Variants in RNASE11 observed in about 807,000 individuals in gnomAD.
The protein encoded by RNASE11 is ribonuclease A family member 11 (inactive).
For missense variants in RNASE11, 252 were observed against 237.8 expected (o/e 1.06, Z -0.39); for synonymous variants, 105 against 86.1 (o/e 1.22, Z -1.21).
chr14:20,589,410 C>T (rs1381910544), upstream of RNASE11, among the ~76,000 whole-genome samples: 1 of 151,874 alleles, frequency 6.6e-6, no homozygotes, highest in Non-Finnish European at 1.5e-5. Context: ...CCCGCCACCA[C>T]GCCCGGCTAA....
At chr14:20,589,823 G>C (rs1355585263), upstream of RNASE11, among the ~76,000 whole-genome samples, 1 of 152,082 alleles carries the variant, frequency 6.6e-6, no homozygotes, top group Non-Finnish European at 1.5e-5. Flanking sequence ...GGAAGCAGAG[G>C]TTGCAGTGAG....
intron 1 of RNASE11, among the ~76,000 whole-genome samples, chr14:20,585,964 C>T (rs2138888658): frequency 6.6e-6 from 1 of 152,294 alleles, no homozygotes; most frequent in Non-Finnish European, 1.5e-5. Flanking sequence ...CTACATTGAT[C>T]TCCTACATTA....
chr14:20,587,722 G>C, exon 1 of RNASE11: 1 of 985,428 alleles, frequency 1.0e-6, no homozygotes, highest in Non-Finnish European at 1.2e-6. Flanking sequence ...GCCATGAGAT[G>C]AGTAAGCGTT....
exon 2 of RNASE11, chr14:20,584,166 G>C (rs1472673098): frequency 6.2e-7 from 1 of 1,614,032 alleles, no homozygotes; most frequent in Non-Finnish European, 8.5e-7. Context: ...CTTTTCTCCA[G>C]ACTGTCATGT....
exon 2 of RNASE11, chr14:20,583,617 A>C (rs1884356355): frequency 5.2e-6 from 2 of 381,182 alleles, no homozygotes; most frequent in South Asian, 1.1e-4. Context: ...CTAGGATGAA[A>C]TTCAGTTTGT....
exon 2 of RNASE11, chr14:20,584,441 C>A: frequency 6.2e-7 from 1 of 1,607,578 alleles, no homozygotes; most frequent in Non-Finnish European, 8.5e-7. Context: ...AGAACCAGGC[C>A]CAGGCTGAGC....
At position 20,584,530 on chromosome 14, in the gene RNASE11, A is replaced by G. The variant is rs769058824; in HGVS notation, c.-22-34T>C. Reference sequence around the variant, plus strand: ...AAGACAATAAATGAAAGATAAAATAAGAAGATTAAAGAGGTAGTTCTTTCT... The same window carrying G: ...AAGACAATAAATGAAAGATAAAATAGGAAGATTAAAGAGGTAGTTCTTTCT... On this transcript the variant is annotated intron_variant, in intron 1 of 1. Transcript: ENST00000553849. 4.0e-6 allele frequency: 6 copies of G among 1,489,856 alleles called. No homozygotes were observed. The African/African-American group carries it at 8.5e-5, about 21-fold the overall frequency. 92.3% of individuals were successfully genotyped at this position (1,489,856 alleles called of 1,614,324 possible). A position where few individuals can be genotyped will look rare whatever the true frequency, so the allele number is the denominator to read the frequency against.
exon 2 of RNASE11, chr14:20,584,341 T>A (rs1884385215): frequency 1.2e-6 from 2 of 1,614,102 alleles, no homozygotes; most frequent in African/African-American, 2.7e-5. Flanking sequence ...GGTCTGTTTT[T>A]CTTGGCCACT....
At chr14:20,589,631 T>A (rs12100810), upstream of RNASE11, among the ~76,000 whole-genome samples, 152,208 of 152,210 alleles carry the variant, frequency 1, 76,103 homozygotes, top group Middle Eastern at 1. Context: ...TCACGCCTGT[T>A]ATCCCAGCAC....
intron 1 of RNASE11, among the ~76,000 whole-genome samples, chr14:20,586,158 C>T (rs1419726484): frequency 2.6e-5 from 4 of 152,250 alleles, no homozygotes; most frequent in African/African-American, 9.6e-5. Flanking sequence ...TCTCAATCTG[C>T]CTATCGGGAT....
intron 1 of RNASE11, chr14:20,584,976 T>C: frequency 1.5e-6 from 1 of 666,688 alleles, no homozygotes; most frequent in Non-Finnish European, 1.9e-6. Context: ...CATTTCCCCA[T>C]CTCTCATTTC....
downstream of RNASE11, chr14:20,582,906 C>T (rs1024470212): frequency 6.6e-6 from 1 of 152,162 alleles, no homozygotes; most frequent in African/African-American, 2.4e-5. Context: ...CATACATTTA[C>T]ATGCATTTAG....
chr14:20,585,821 A>G (rs1269487743), intron 1 of RNASE11, among the ~76,000 whole-genome samples: 1 of 152,210 alleles, frequency 6.6e-6, no homozygotes, highest in Non-Finnish European at 1.5e-5. Context: ...ACTAGTATAT[A>G]AAATCCTTTA....
chr14:20,584,139 T>C, exon 2 of RNASE11: 1 of 1,614,226 alleles, frequency 6.2e-7, no homozygotes, highest in South Asian at 1.1e-5. Flanking sequence ...ACTTGCACGA[T>C]CCGTTTGCTT....
intron 1 of RNASE11, among the ~76,000 whole-genome samples, chr14:20,587,045 C>T (rs891307322): frequency 3.9e-5 from 6 of 152,104 alleles, no homozygotes; most frequent in African/African-American, 7.2e-5. Context: ...CCCAGCCACT[C>T]GGGAGGCTGA....
chr14:20,590,227 C>T (rs1884538791), upstream of RNASE11: 1 of 1,590,832 alleles, frequency 6.3e-7, no homozygotes, highest in African/African-American at 1.3e-5. Context: ...CAGGCACAGC[C>T]AGCTCCAATG....
chr14:20,585,119 T>G (rs1374257851), intron 1 of RNASE11: 1 of 984,174 alleles, frequency 1.0e-6, no homozygotes, highest in Non-Finnish European at 1.2e-6. Context: ...GAGTTTCTGC[T>G]GTTGTGTCTA....
intron 1 of RNASE11, among the ~76,000 whole-genome samples, chr14:20,585,457 G>A (rs1250922679): frequency 6.6e-6 from 1 of 152,138 alleles, no homozygotes; most frequent in South Asian, 2.1e-4. Flanking sequence ...AATTCCTCGA[G>A]CCTGAAACAC....
chr14:20,589,554 G>A (rs542460174), upstream of RNASE11, among the ~76,000 whole-genome samples: 26 of 150,372 alleles, frequency 1.7e-4, no homozygotes, highest in African/African-American at 5.8e-4. Context: ...CGCCCGGCGA[G>A]CATCCAAGAT....
Sources: allele counts gnomAD v4.1 joint callset (sites outside exome capture counted in the v4.1 genomes callset), GRCh38; gene constraint gnomAD v4.1.1; transcripts MANE v1.5; gene names NCBI Gene and HGNC (gene_info 2026-07-23, HGNC 2026-07-21).